The following PPME1 variants were observed in gnomAD, a reference collection of about 807,000 sequenced individuals.
The protein encoded by PPME1 is testicular secretory protein Li 39.
Under a neutral mutation model 56.9 loss-of-function variants are expected in PPME1, and 17 were observed. The ratio of observed to expected loss-of-function variants is 0.30; its 90% CI spans 0.20 to 0.45. The LOEUF is 0.45. Ranked by LOEUF, PPME1 falls within the 20% of genes least tolerant of loss-of-function variation. The pLI is 1.00. For synonymous variants in PPME1, 122 were observed against 156.2 expected (o/e 0.78, Z 1.63); for missense variants, 357 against 483.2 (o/e 0.74, Z 2.45).
chr11:74,250,822 AATTGGGTCCAGAGT>A (rs1470381806), intron 11 of PPME1, 118 bp from the exon 12 acceptor site: 7 of 685,818 alleles, frequency 1.0e-5, no homozygotes, highest in Non-Finnish European at 1.8e-5. Context: ...AAGACTTGAT[AATTGGGTCCAGAGT>A]ATTGAGGTGA....
intron 1 of PPME1, among the ~76,000 whole-genome samples, chr11:74,201,222 G>T (rs1037340779): frequency 6.6e-6 from 1 of 151,840 alleles, no homozygotes; most frequent in African/African-American, 2.4e-5. Flanking sequence ...TGATCTGCCC[G>T]CCTCGGCCTC....
At chr11:74,242,691 C>T (rs1859392908) in intron 9 of PPME1, among the ~76,000 whole-genome samples, 1 of 151,578 alleles carries the variant, frequency 6.6e-6, no homozygotes, top group Non-Finnish European at 1.5e-5. Flanking sequence ...CCATCCTGGC[C>T]AACATGGTGA....
intron 3 of PPME1, among the ~76,000 whole-genome samples, chr11:74,219,370 A>G (rs1042944692): frequency 6.6e-6 from 1 of 152,002 alleles, no homozygotes; most frequent in Non-Finnish European, 1.5e-5. Context: ...GAACTACCGT[A>G]TAATGCAGCA....
Position 74,185,650 on chromosome 11 carries a change from C to CT in PPME1, c.101+14144dup, listed in dbSNP as rs765518776. Among the ~76,000 whole-genome samples, 816 of 123,712 alleles carry CT rather than the reference C, an allele frequency of 6.6e-3. 2 individuals are homozygous for CT. The highest frequency in any genetic ancestry group is 0.022 in the East Asian group (87 of 3,990). 81.2% of individuals were successfully genotyped at this position (123,712 alleles called of 152,430 possible). A position where few individuals can be genotyped will look rare whatever the true frequency, so the allele number is the denominator to read the frequency against. ...CATTTTAGAAAAGTTGTCATTATAT[C>CT]TTTTTTTTTTTTTTTTAACTTTTCG... On this transcript the variant is annotated intron_variant, in intron 1 of 13. Coordinates refer to ENST00000328257, the MANE Select transcript of PPME1 (RefSeq NM_016147.3).
chr11:74,189,528 A>G (rs1857779384), intron 1 of PPME1, among the ~76,000 whole-genome samples: 1 of 152,262 alleles, frequency 6.6e-6, no homozygotes, highest in South Asian at 2.1e-4. Context: ...GGCTTAAGCA[A>G]TCCACCCACC....
intron 3 of PPME1, among the ~76,000 whole-genome samples, chr11:74,208,263 G>A (rs1307141296): frequency 6.6e-6 from 1 of 150,586 alleles, no homozygotes; most frequent in African/African-American, 2.5e-5. Flanking sequence ...AGTGAGTCGA[G>A]ATCGTGCCAC....
At chr11:74,196,296 T>C (rs1857980037) in intron 1 of PPME1, among the ~76,000 whole-genome samples, 1 of 152,214 alleles carries the variant, frequency 6.6e-6, no homozygotes, top group Non-Finnish European at 1.5e-5. Context: ...TCACTTCTGC[T>C]TTGGGTGTTG....
intron 9 of PPME1, among the ~76,000 whole-genome samples, chr11:74,242,973 T>TG (rs1181673303): frequency 1.3e-5 from 2 of 151,826 alleles, no homozygotes; most frequent in Non-Finnish European, 2.9e-5. Context: ...CTTTGGGACT[T>TG]GCATTCAGTC....
At chr11:74,227,947 A>G (rs1180792903) in intron 5 of PPME1, among the ~76,000 whole-genome samples, 1 of 152,116 alleles carries the variant, frequency 6.6e-6, no homozygotes, top group Non-Finnish European at 1.5e-5. Flanking sequence ...CATGAGGCAG[A>G]TACTGCAGAA....
chr11:74,246,293 T>C (rs1859501441), intron 10 of PPME1, 88 bp downstream of exon 10: 1 of 1,305,404 alleles, frequency 7.7e-7, no homozygotes, highest in Non-Finnish European at 1.0e-6. Context: ...GAAATTTATT[T>C]TCTCACAGTT....
chr11:74,221,158 T>A (rs1565388471), intron 3 of PPME1, among the ~76,000 whole-genome samples: 3 of 152,182 alleles, frequency 2.0e-5, no homozygotes, highest in Non-Finnish European at 2.9e-5. Flanking sequence ...GGTTGGAATT[T>A]CAAATATATA....
intron 3 of PPME1, among the ~76,000 whole-genome samples, chr11:74,207,524 G>T (rs1194220365): frequency 1.3e-5 from 2 of 152,160 alleles, no homozygotes; most frequent in African/African-American, 4.8e-5. Flanking sequence ...TTGTTTTAAA[G>T]GATAGTCTTT....
At chr11:74,172,422 G>C (rs1416825024) in intron 1 of PPME1, among the ~76,000 whole-genome samples, 1 of 152,230 alleles carries the variant, frequency 6.6e-6, no homozygotes, top group Admixed American at 6.5e-5. Flanking sequence ...GGGAAGCTTA[G>C]AGGAAGATTT....
intron 9 of PPME1, among the ~76,000 whole-genome samples, chr11:74,240,694 CTGTT>C (rs1424828133): frequency 6.6e-6 from 1 of 152,172 alleles, no homozygotes; most frequent in Non-Finnish European, 1.5e-5. Context: ...AACGCATGGT[CTGTT>C]TGGTCCTCTG....
At chr11:74,171,558 G>GC (rs1565370556) in intron 1 of PPME1, 36 bp downstream of exon 1, 2 of 1,567,628 alleles carry the variant, frequency 1.3e-6, no homozygotes, top group Non-Finnish European at 1.7e-6. Flanking sequence ...TATGGGCCAG[G>GC]CCCCAGCCGT....
At chr11:74,197,281 C>T (rs1390642117) in intron 1 of PPME1, among the ~76,000 whole-genome samples, 1 of 152,188 alleles carries the variant, frequency 6.6e-6, no homozygotes, top group African/African-American at 2.4e-5. Flanking sequence ...TAATTCACTT[C>T]AGACTGTCAA....
At chr11:74,225,313 T>TG in intron 5 of PPME1, 57 bp downstream of exon 5, 1 of 1,224,200 alleles carries the variant, frequency 8.2e-7, no homozygotes, top group Non-Finnish European at 1.1e-6. Flanking sequence ...TTATAAATAG[T>TG]ACTATAACTT....
intron 12 of PPME1, 144 bp downstream of exon 12, chr11:74,251,162 A>G: frequency 1.4e-6 from 2 of 1,474,022 alleles, no homozygotes; most frequent in Non-Finnish European, 1.8e-6. Flanking sequence ...CCAGCTCTCC[A>G]ACTTCTCCCT....
At chr11:74,246,633 A>G (rs1859511356) in intron 10 of PPME1, among the ~76,000 whole-genome samples, 2 of 152,152 alleles carry the variant, frequency 1.3e-5, no homozygotes, top group Non-Finnish European at 2.9e-5. Flanking sequence ...CCTCATTAAA[A>G]CTTCTCACCA....
Sources: allele counts gnomAD v4.1 joint callset (sites outside exome capture counted in the v4.1 genomes callset), GRCh38; gene constraint gnomAD v4.1.1; transcripts MANE v1.5; gene names NCBI Gene and HGNC (gene_info 2026-07-23, HGNC 2026-07-21).